The following GABRG3 variants were observed in gnomAD, a reference collection of about 807,000 sequenced individuals.
The protein encoded by GABRG3 is gamma-aminobutyric acid receptor subunit gamma-3.
GABRG3 carries 25 observed loss-of-function variants against 48.8 expected under a neutral mutation model. The ratio of observed to expected loss-of-function variants is 0.51; its 90% CI spans 0.37 to 0.72. GABRG3 has a LOEUF of 0.72. Ranked by LOEUF, GABRG3 falls within the 30% of genes least tolerant of loss-of-function variation. GABRG3 has a pLI of 0.00. For missense variants in GABRG3, 394 were observed against 577.9 expected (o/e 0.68, Z 3.26); for synonymous variants, 227 against 217.6 (o/e 1.04, Z -0.38).
At chr15:27,120,213 A>T (rs1011967605) in intron 3 of GABRG3, among the ~76,000 whole-genome samples, 5 of 152,156 alleles carry the variant, frequency 3.3e-5, no homozygotes, top group African/African-American at 1.2e-4. Context: ...CTTTTATGTG[A>T]CCAGTATCAG....
intron 3 of GABRG3, among the ~76,000 whole-genome samples, chr15:27,120,661 A>C (rs1431343718): frequency 6.6e-6 from 1 of 152,112 alleles, no homozygotes; most frequent in Admixed American, 6.5e-5. Context: ...GGCTCCTAGT[A>C]AGCAGGCTGC....
intron 5 of GABRG3, among the ~76,000 whole-genome samples, chr15:27,436,065 G>C (rs1302549931): frequency 2.0e-5 from 3 of 152,210 alleles, no homozygotes; most frequent in Non-Finnish European, 2.9e-5. Context: ...AATTGCTGAT[G>C]AGTGTCTTCG....
chr15:27,091,308 T>A (rs2140755158), intron 3 of GABRG3, among the ~76,000 whole-genome samples: 1 of 152,374 alleles, frequency 6.6e-6, no homozygotes, highest in Non-Finnish European at 1.5e-5. Flanking sequence ...GAATGACTGT[T>A]GCATTTCTGG....
At chr15:27,174,444 A>G (rs1887673691) in intron 3 of GABRG3, among the ~76,000 whole-genome samples, 1 of 152,124 alleles carries the variant, frequency 6.6e-6, no homozygotes, top group African/African-American at 2.4e-5. Context: ...TTCCCTCATC[A>G]GTTAGAACTA....
At chr15:27,251,216 G>A (rs570049307) in intron 3 of GABRG3, among the ~76,000 whole-genome samples, 3 of 152,236 alleles carry the variant, frequency 2.0e-5, no homozygotes, top group Admixed American at 2.0e-4. Context: ...CTGCTGTGAG[G>A]TCTTGAACTT....
intron 3 of GABRG3, among the ~76,000 whole-genome samples, chr15:27,151,323 A>G (rs1246780628): frequency 1.3e-5 from 2 of 151,024 alleles, no homozygotes; most frequent in East Asian, 1.9e-4. Context: ...ATATGACACA[A>G]AGGGAATCAC....
At chr15:27,047,547 C>T (rs1314562147) in intron 3 of GABRG3, among the ~76,000 whole-genome samples, 2 of 152,192 alleles carry the variant, frequency 1.3e-5, no homozygotes, top group Admixed American at 1.3e-4. Context: ...GGGCTGTTCC[C>T]TTTGTATCAA....
chr15:27,153,402 C>T (rs1898358938), intron 3 of GABRG3, among the ~76,000 whole-genome samples: 1 of 152,134 alleles, frequency 6.6e-6, no homozygotes, highest in Admixed American at 6.6e-5. Flanking sequence ...TGTAGCTATA[C>T]AATAGGCTGT....
At chr15:27,406,992 A>G (rs1414442959) in intron 5 of GABRG3, among the ~76,000 whole-genome samples, 7 of 152,056 alleles carry the variant, frequency 4.6e-5, no homozygotes, top group Non-Finnish European at 8.8e-5. Flanking sequence ...CAGTGGCACA[A>G]TCTCAGCTCA....
chr15:27,488,196 G>A (rs1890265337), intron 6 of GABRG3, among the ~76,000 whole-genome samples: 1 of 152,172 alleles, frequency 6.6e-6, no homozygotes, highest in Non-Finnish European at 1.5e-5. Context: ...GGGCTTTTAA[G>A]CATTGATGTC....
chr15:27,393,065 T>C (rs1887185755), intron 5 of GABRG3, among the ~76,000 whole-genome samples: 1 of 152,036 alleles, frequency 6.6e-6, no homozygotes, highest in Admixed American at 6.6e-5. Context: ...CTGGATGTGG[T>C]CTGGGCGCAG....
intron 3 of GABRG3, among the ~76,000 whole-genome samples, chr15:27,292,394 G>A (rs1891824356): frequency 6.6e-6 from 1 of 150,972 alleles, no homozygotes; most frequent in Admixed American, 6.6e-5. Context: ...AAAACTGCAT[G>A]TTCTGCACAT....
At chr15:27,015,263 G>A (rs1895757390) in intron 2 of GABRG3, among the ~76,000 whole-genome samples, 1 of 151,894 alleles carries the variant, frequency 6.6e-6, no homozygotes, top group African/African-American at 2.4e-5. Context: ...CATTTACTTA[G>A]AAAGTAATTA....
At chr15:27,517,082 C>A (rs950017725) in intron 6 of GABRG3, among the ~76,000 whole-genome samples, 3 of 151,682 alleles carry the variant, frequency 2.0e-5, no homozygotes, top group African/African-American at 7.3e-5. Context: ...ACATCGTGCC[C>A]ACCTCCATGC....
chr15:27,277,134 T>C (rs1281867452), intron 3 of GABRG3, among the ~76,000 whole-genome samples: 1 of 152,160 alleles, frequency 6.6e-6, no homozygotes, highest in Non-Finnish European at 1.5e-5. Flanking sequence ...GCTGGGAAGG[T>C]TGGTGATGAG....
intron 3 of GABRG3, among the ~76,000 whole-genome samples, chr15:27,029,394 G>A (rs372528131): frequency 6.6e-6 from 1 of 152,208 alleles, no homozygotes; most frequent in East Asian, 1.9e-4. Flanking sequence ...AGCCTACCTC[G>A]GCTCAGCAAA....
chr15:27,273,934 A>G (rs140848667), intron 3 of GABRG3, among the ~76,000 whole-genome samples: 165 of 152,296 alleles, frequency 1.1e-3, no homozygotes, highest in African/African-American at 3.8e-3. Context: ...TAGCTCATGG[A>G]TTCTGAAGAG....
In GABRG3 at chr15:27,053,485, G is replaced by A. The variant is rs114559712; in HGVS notation, c.270+26664G>A. On this transcript the variant is annotated intron_variant, in intron 3 of 9. Coordinates refer to ENST00000615808, the MANE Select transcript of GABRG3 (RefSeq NM_033223.5). ...GTTATTACTAAAAAGTTAAAAGCCA[G>A]CAGGGTTGGAGAGGCTGCAGAGAAA... Among the ~76,000 whole-genome samples, 968 of 152,286 alleles carry A rather than the reference G, an allele frequency of 6.4e-3. 13 individuals are homozygous for A. The highest frequency in any genetic ancestry group is 0.022 in the African/African-American group (920 of 41,560).
intron 3 of GABRG3, among the ~76,000 whole-genome samples, chr15:27,194,774 T>C (rs1471743760): frequency 6.6e-6 from 1 of 152,230 alleles, no homozygotes; most frequent in East Asian, 1.9e-4. Context: ...CTCTTGAATA[T>C]GTAGGCTTAT....
Sources: allele counts gnomAD v4.1 joint callset (sites outside exome capture counted in the v4.1 genomes callset), GRCh38; gene constraint gnomAD v4.1.1; transcripts MANE v1.5; gene names NCBI Gene and HGNC (gene_info 2026-07-23, HGNC 2026-07-21).